The following INTS15 variants were observed in gnomAD, a reference collection of about 807,000 sequenced individuals.
INTS15 encodes uncharacterized protein C7orf26.
the INTS15 span, chr7:6,590,481 G>A: frequency 3.7e-4 from 581 of 1,568,140 alleles, 3 homozygotes; most frequent in African/African-American, 4.2e-3. Context: ...CCAAGGTGCG[G>A]CCTGAGACGG....
At chr7:6,601,908 C>T in the INTS15 span, among the ~76,000 whole-genome samples, 7 of 152,194 alleles carry the variant, frequency 4.6e-5, no homozygotes, top group Non-Finnish European at 4.4e-5. Flanking sequence ...CCACCCGCCT[C>T]AGCCTCCCAA....
the INTS15 span, among the ~76,000 whole-genome samples, chr7:6,606,294 C>G: frequency 6.6e-6 from 1 of 152,256 alleles, no homozygotes; most frequent in African/African-American, 2.4e-5. Context: ...TCAGCCCCTC[C>G]TGGGGGCCCT....
chr7:6,590,623 A>C, the INTS15 span: 1 of 1,380,162 alleles, frequency 7.2e-7, no homozygotes. Flanking sequence ...GCAGCCCCCA[A>C]ACCCTTCTCC....
chr7:6,608,274 G>A, the INTS15 span: 18 of 1,472,720 alleles, frequency 1.2e-5, no homozygotes, highest in East Asian at 3.7e-4. Flanking sequence ...GCCCCTCCCC[G>A]CCGGCAGAAC....
chr7:6,602,972 G>C, the INTS15 span, among the ~76,000 whole-genome samples: 3 of 152,336 alleles, frequency 2.0e-5, no homozygotes, highest in East Asian at 5.8e-4. Flanking sequence ...GCCAGGGCTG[G>C]GGTGTGGTGG....
At chr7:6,607,825 C>T in the INTS15 span, 2 of 1,504,456 alleles carry the variant, frequency 1.3e-6, no homozygotes, top group Non-Finnish European at 1.8e-6. The surrounding 1 kb of genome is among the most constrained non-coding windows in gnomAD (Gnocchi z 6.0). Context: ...TGTCCACCGC[C>T]TGGACCCCCG....
At chr7:6,600,108 A>G in the INTS15 span, 4 of 1,614,186 alleles carry the variant, frequency 2.5e-6, no homozygotes, top group East Asian at 8.9e-5. Context: ...CACCTCTTGT[A>G]CTCAAAACTC....
At chr7:6,596,105 G>C in the INTS15 span, among the ~76,000 whole-genome samples, 1 of 150,734 alleles carries the variant, frequency 6.6e-6, no homozygotes, top group South Asian at 2.1e-4. Context: ...AGGCTAGAAT[G>C]CAGTGGCATG....
chr7:6,608,105 C>G, the INTS15 span: 1 of 1,564,034 alleles, frequency 6.4e-7, no homozygotes, highest in Non-Finnish European at 8.7e-7. Flanking sequence ...CCTGCCCACG[C>G]ATCCCGGCCA....
chr7:6,594,329 TGGAAG>T, the INTS15 span: 7 of 1,149,994 alleles, frequency 6.1e-6, no homozygotes, highest in South Asian at 2.8e-5. Context: ...TTTTTTGTCT[TGGAAG>T]TGGTTCTGCC....
At chr7:6,607,695 C>G in the INTS15 span, 1 of 1,524,838 alleles carries the variant, frequency 6.6e-7, no homozygotes, top group Non-Finnish European at 8.8e-7. The surrounding 1 kb of genome is among the most constrained non-coding windows in gnomAD (Gnocchi z 6.0). Flanking sequence ...TGGAGGCCAC[C>G]TGTGTGGGCT....
the INTS15 span, among the ~76,000 whole-genome samples, chr7:6,591,137 A>G: frequency 4.6e-5 from 7 of 152,086 alleles, no homozygotes; most frequent in African/African-American, 1.2e-4. Flanking sequence ...CGCCTGGCCT[A>G]TATGACTTTT....
the INTS15 span, among the ~76,000 whole-genome samples, chr7:6,590,951 G>A: frequency 2.0e-5 from 3 of 149,838 alleles, no homozygotes; most frequent in Admixed American, 1.3e-4. Context: ...TAATCCTCCC[G>A]CCTCATCCTT....
chr7:6,598,785 G>GTGTGTGTGTGTGTGTGTGT, the INTS15 span, among the ~76,000 whole-genome samples: 3 of 86,562 alleles, frequency 3.5e-5, no homozygotes, highest in Admixed American at 1.3e-4. Context: ...GTGTGTGTGT[G>GTGTGTGTGTGTGTGTGTGT]TATTTTTTTT....
At chr7:6,607,830 C>A in the INTS15 span, 9 of 1,509,016 alleles carry the variant, frequency 6.0e-6, no homozygotes, top group Non-Finnish European at 7.9e-6. This position sits in a 1 kb window ranked among gnomAD's most constrained non-coding sequence, Gnocchi z 6.0. Context: ...ACCGCCTGGA[C>A]CCCCGGGTGG....
the INTS15 span, among the ~76,000 whole-genome samples, chr7:6,601,244 T>C: frequency 6.6e-6 from 1 of 152,194 alleles, no homozygotes; most frequent in Non-Finnish European, 1.5e-5. Context: ...AGTGCTAGGA[T>C]TACCACTCTG....
the INTS15 span, among the ~76,000 whole-genome samples, chr7:6,596,311 C>T: frequency 2.0e-5 from 3 of 151,770 alleles, no homozygotes; most frequent in African/African-American, 7.3e-5. Flanking sequence ...ATCTCGGCCT[C>T]CCAAAGTGCT....
At chr7:6,596,659 G>A in the INTS15 span, among the ~76,000 whole-genome samples, 1 of 152,200 alleles carries the variant, frequency 6.6e-6, no homozygotes, top group South Asian at 2.1e-4. Flanking sequence ...GATTACAGGT[G>A]TGAGCCACTG....
chr7:6,594,196 C>T, the INTS15 span, among the ~76,000 whole-genome samples: 2 of 148,562 alleles, frequency 1.3e-5, no homozygotes, highest in East Asian at 2.0e-4. Context: ...TTAGTAGAGA[C>T]GAGTTTCACC....
Sources: gnomAD v4.1 joint callset for allele counts (sites outside exome capture counted in the v4.1 genomes callset) on GRCh38, gnomAD v4.1.1 for gene constraint, Gnocchi (gnomAD v3.1) non-coding constraint, MANE v1.5 for transcripts, NCBI Gene and HGNC (gene_info 2026-07-23, HGNC 2026-07-21) for gene names.